Variants in CLASRP observed in about 807,000 individuals in gnomAD.
CLASRP encodes the protein CLK4 associating serine/arginine rich protein.
Under a neutral mutation model 99.9 loss-of-function variants are expected in CLASRP, and 52 were observed. That is an observed-to-expected ratio of 0.52 (90% confidence interval 0.42 to 0.66). The LOEUF is 0.66. Ranked by LOEUF, CLASRP falls within the 30% of genes least tolerant of loss-of-function variation. The pLI, the probability that CLASRP is intolerant of heterozygous loss-of-function variation, is 0.00. For missense variants in CLASRP, 848 were observed against 999.2 expected (o/e 0.85, Z 2.04); for synonymous variants, 379 against 373.0 (o/e 1.02, Z -0.18).
At chr19:45,062,002 A>G in intron 10 of CLASRP, 152 bp from the exon 11 acceptor site, 1 of 639,294 alleles carries the variant, frequency 1.6e-6, no homozygotes, top group Non-Finnish European at 2.9e-6. Context: ...GGGTGGGTGG[A>G]GGAATTAAGG....
chr19:45,061,626 G>A (rs200983724), intron 10 of CLASRP, among the ~76,000 whole-genome samples: 25 of 152,062 alleles, frequency 1.6e-4, no homozygotes, highest in African/African-American at 4.6e-4. Flanking sequence ...GCGTCACCAC[G>A]CCCAGCTAAT....
chr19:45,054,166 T>C lies in CLASRP; in HGVS notation c.379+989T>C, dbSNP rs371474524. 3.7e-3 allele frequency among the ~76,000 whole-genome samples: 565 copies of C among 152,332 alleles called. 2 individuals carry two copies. Among genetic ancestry groups the C allele is most frequent in the African/African-American group, 0.013 (537 of 41,580 alleles). On this transcript the variant is annotated intron_variant, in intron 5 of 20. Coordinates refer to ENST00000221455, the MANE Select transcript of CLASRP (RefSeq NM_007056.3). ...CTGGGCTTGCCCAGGGAGGTTTGGA[T>C]CCCAACAGACTTGGGCTTTTTTGTC...
In CLASRP at chr19:45,059,288, G is replaced by T. The variant is rs1383907179; in HGVS notation, c.634G>T (p.Glu212Ter). The change falls in exon 8 of 21, where the codon GAA becomes TAA. Residue 212 changes from glutamate to a stop codon, truncating the protein, a stop_gained. Coordinates refer to ENST00000221455, the MANE Select transcript of CLASRP (RefSeq NM_007056.3). LOFTEE classifies it high-confidence loss of function. The part of the protein sequence containing the change: ...PDIDVEVDVD[E>*]LNQEQVADLN... ...TGCAGACGTGGAGGTGGACGTGGATGAATTGAACCAGGAGCAGGTGGCAGA... is the reference window on the plus strand; with the variant it reads ...TGCAGACGTGGAGGTGGACGTGGATTAATTGAACCAGGAGCAGGTGGCAGA... The T allele has an allele frequency of 8.1e-6, 13 of 1,610,718 alleles. No individual in the cohort carries two copies. The highest frequency in any genetic ancestry group is 1.1e-5 in the Non-Finnish European group (13 of 1,178,498).
chr19:45,070,753 G>T, intron 20 of CLASRP, 50 bp from the exon 21 acceptor site: 1 of 1,521,282 alleles, frequency 6.6e-7, no homozygotes, highest in African/African-American at 1.4e-5. Context: ...CCCCAGGTGT[G>T]TTGATGTGTG....
chr19:45,042,552 C>A (rs1971832265), intron 2 of CLASRP, among the ~76,000 whole-genome samples: 1 of 151,424 alleles, frequency 6.6e-6, no homozygotes, highest in African/African-American at 2.4e-5. Context: ...TGTATACACA[C>A]ACGCACACAC....
chr19:45,065,778 T>C (rs549566667), intron 13 of CLASRP, among the ~76,000 whole-genome samples: 8 of 152,224 alleles, frequency 5.3e-5, no homozygotes, highest in African/African-American at 1.7e-4. Context: ...TCCCTGGGCC[T>C]CTAATTCTGT....
rs1967125064 is a variant in CLASRP at position 45,067,700 on chromosome 19, G to A, written c.1667+106G>A. ...AACTTAGCCCTACCCTGGGAGGTCT[G>A]GGGGGTGGTGTATGGCCCTGGCCTG... is the stretch of plus-strand genomic sequence containing the variant. On this transcript the variant is annotated intron_variant, in intron 14 of 20. Transcript: ENST00000221455. This position sits in a 1 kb window ranked among gnomAD's most constrained non-coding sequence, Gnocchi z 4.9. The A allele has an allele frequency of 5.5e-6, 6 of 1,097,196 alleles. No individual in the cohort carries two copies. Among genetic ancestry groups the A allele is most frequent in the Non-Finnish European group, 7.7e-6 (6 of 775,686 alleles). The allele number at this position is 1,097,196 out of a possible 1,614,324, so 68.0% of individuals were successfully genotyped here.
At chr19:45,053,458 G>A (rs1354718514) in intron 5 of CLASRP, among the ~76,000 whole-genome samples, 1 of 152,014 alleles carries the variant, frequency 6.6e-6, no homozygotes, top group African/African-American at 2.4e-5. Flanking sequence ...AGAGAAAATA[G>A]CAAGAATATG....
chr19:45,039,297 G>T (rs1971764239), intron 1 of CLASRP, among the ~76,000 whole-genome samples, 189 bp downstream of exon 1: 1 of 151,864 alleles, frequency 6.6e-6, no homozygotes, highest in African/African-American at 2.4e-5. Flanking sequence ...TGGGCCAGAA[G>T]TTGCCGCGTC....
Position 45,064,628 on chromosome 19 carries a change from C to G in CLASRP, c.1407C>G (p.Ser469Arg). 6.4e-7 allele frequency: 1 copy of G among 1,550,824 alleles called. No homozygotes were observed. Among genetic ancestry groups the G allele is most frequent in the East Asian group, 2.4e-5 (1 of 42,542 alleles). ...GTGGTTACGGGCCCCGGCGCAGAAG[C>G]AGGTGTGTGTGGCTGGGCGTGGAGG... is the stretch of plus-strand genomic sequence containing the variant. The part of the protein sequence containing the change: ...RRGGYGPRRR[S>R]RSRSHSGDRY... Residue 469 changes from serine (S) to arginine (R), a missense_variant and splice_region_variant, in exon 13 of 21, where the codon AGC (serine) becomes AGG (arginine). By Grantham distance (110) the Ser-to-Arg change is moderately radical. Around this residue, in one of 8 missense-constraint regions of CLASRP, gnomAD observed 489 missense variants for 434.7 expected, o/e 1.12. Coordinates refer to ENST00000221455, the MANE Select transcript of CLASRP (RefSeq NM_007056.3).
chr19:45,065,554 G>C (rs1254269162), intron 13 of CLASRP, among the ~76,000 whole-genome samples: 3 of 150,346 alleles, frequency 2.0e-5, no homozygotes, highest in African/African-American at 7.3e-5. Flanking sequence ...GAGTGAGACT[G>C]CGTCTCAAGA....
rs201698145 is a variant in CLASRP at position 45,070,817 on chromosome 19, G to C, written c.1997G>C (p.Arg666Pro). 176 of 1,591,724 alleles carry C rather than the reference G, an allele frequency of 1.1e-4. No individual in the cohort carries two copies. Among genetic ancestry groups the C allele is most frequent in the Non-Finnish European group, 1.4e-4 (163 of 1,166,388 alleles). The change falls in exon 21 of 21, where the codon CGA becomes CCA. Residue 666 changes from arginine (R) to proline (P), a missense_variant. By Grantham distance (103) the Arg-to-Pro change is moderately radical. Transcript: ENST00000221455. ...YSSSRRRSRS[R>P]SRSPHYRH ...TCTCTTTCCAGGCGCTCAAGGTCCCGATCCCGAAGCCCCCATTACCGACAT... is the reference window on the plus strand; with the variant it reads ...TCTCTTTCCAGGCGCTCAAGGTCCCCATCCCGAAGCCCCCATTACCGACAT...
Position 45,069,953 on chromosome 19 carries a change from AGCACCT to A in CLASRP, c.1875-66_1875-61del, listed in dbSNP as rs572653930. 4.0e-4 allele frequency: 349 copies of A among 866,902 alleles called. No individual in the cohort carries two copies. In the African/African-American group the frequency reaches 5.2e-3, roughly 13 times the overall value. 53.7% of individuals were successfully genotyped at this position (866,902 alleles called of 1,614,324 possible). ...GTCTTCCTCGGAGTAGGGTGTTGGA[AGCACCT>A]GCCCTCCCTGAGTTCAGTGTGTCCA... On this transcript the variant is annotated intron_variant, in intron 18 of 20. Transcript: ENST00000221455.
intron 2 of CLASRP, 137 bp downstream of exon 2, chr19:45,040,448 C>G (rs1180693803): frequency 4.9e-6 from 3 of 607,928 alleles, no homozygotes; most frequent in Non-Finnish European, 9.0e-6. Flanking sequence ...TTAATCTTTT[C>G]TTGAGGATAA....
chr19:45,044,157 T>C (rs1971870009), intron 2 of CLASRP, among the ~76,000 whole-genome samples: 1 of 152,236 alleles, frequency 6.6e-6, no homozygotes, highest in Non-Finnish European at 1.5e-5. Context: ...GCTGGGATTA[T>C]AGGCGTGAGC....
intron 15 of CLASRP, 28 bp downstream of exon 15, chr19:45,068,082 C>T (rs1568422902): frequency 6.2e-6 from 10 of 1,611,362 alleles, no homozygotes; most frequent in East Asian, 2.2e-5. Flanking sequence ...ACTCGCCCGT[C>T]TAATTCCCGT....
chr19:45,043,130 A>G lies in CLASRP; in HGVS notation c.99+2819A>G, dbSNP rs182685450. 3.7e-3 allele frequency among the ~76,000 whole-genome samples: 564 copies of G among 151,810 alleles called. 2 individuals are homozygous for G. The highest frequency in any genetic ancestry group is 0.013 in the African/African-American group (534 of 41,362). ...TAAGATATCTCATTATGAATAGACA[A>G]ATATTCCAAAATCTGAAAAAATCTG... is the stretch of plus-strand genomic sequence containing the variant. On this transcript the variant is annotated intron_variant, in intron 2 of 20. Transcript: ENST00000221455.
At chr19:45,045,872 G>A (rs370046080) in intron 2 of CLASRP, among the ~76,000 whole-genome samples, 2 of 152,096 alleles carry the variant, frequency 1.3e-5, no homozygotes, top group African/African-American at 4.8e-5. Flanking sequence ...GGATCCAGGT[G>A]GAGGGATGGT....
At chr19:45,043,218 T>C (rs1261252445) in intron 2 of CLASRP, among the ~76,000 whole-genome samples, 1 of 150,782 alleles carries the variant, frequency 6.6e-6, no homozygotes, top group African/African-American at 2.4e-5. Flanking sequence ...TGTGTGTGTG[T>C]GTGTGTGTGT....
Sources: gnomAD v4.1 joint callset for allele counts (sites outside exome capture counted in the v4.1 genomes callset) on GRCh38, gnomAD v4.1.1 for gene constraint, gnomAD v4.1.1 regional missense constraint, Gnocchi (gnomAD v3.1) non-coding constraint, MANE v1.5 for transcripts, NCBI Gene and HGNC (gene_info 2026-07-23, HGNC 2026-07-21) for gene names.